The following IPO11 variants were observed in gnomAD, a reference collection of about 807,000 sequenced individuals.
IPO11 encodes importin-11.
Under a neutral mutation model 143.2 loss-of-function variants are expected in IPO11, and 66 were observed. The observed-to-expected ratio is 0.46, with a 90% confidence interval of 0.38 to 0.57. IPO11 has a LOEUF of 0.57. IPO11 is among the 20% of genes least tolerant of loss of function. IPO11 has a pLI of 0.00. For missense variants in IPO11, 1,026 were observed against 1,141.0 expected (o/e 0.90, Z 1.45); for synonymous variants, 385 against 377.8 (o/e 1.02, Z -0.22).
At chr5:62,563,254 A>G (rs947233014) in intron 27 of IPO11, among the ~76,000 whole-genome samples, 2 of 152,200 alleles carry the variant, frequency 1.3e-5, no homozygotes, top group Non-Finnish European at 2.9e-5. Context: ...GTTAAAGAAC[A>G]TGGTCCTTGG....
At chr5:62,471,294 G>T (rs1241999011) in intron 7 of IPO11, among the ~76,000 whole-genome samples, 1 of 150,830 alleles carries the variant, frequency 6.6e-6, no homozygotes, top group African/African-American at 2.4e-5. Context: ...TGGGTCTTTG[G>T]GTCTCCCCTA....
intron 1 of IPO11, among the ~76,000 whole-genome samples, chr5:62,419,851 TGGCATGATG>T (rs1296364486): frequency 1.3e-5 from 2 of 152,016 alleles, no homozygotes; most frequent in Non-Finnish European, 2.9e-5. Flanking sequence ...AAAATTAGCA[TGGCATGATG>T]GCTCATCCCT....
chr5:62,625,464 C>A (rs1005271621), intron 29 of IPO11, among the ~76,000 whole-genome samples: 2 of 152,216 alleles, frequency 1.3e-5, no homozygotes, highest in African/African-American at 4.8e-5. Context: ...ATTAACACTT[C>A]ATTTATCTGG....
intron 27 of IPO11, among the ~76,000 whole-genome samples, chr5:62,570,843 A>G (rs1253486403): frequency 6.6e-6 from 1 of 152,248 alleles, no homozygotes; most frequent in Non-Finnish European, 1.5e-5. Context: ...TCTTTTAAAC[A>G]TATCACCTAA....
At chr5:62,453,755 A>G (rs1459782229) in intron 5 of IPO11, among the ~76,000 whole-genome samples, 2 of 152,186 alleles carry the variant, frequency 1.3e-5, no homozygotes, top group East Asian at 3.9e-4. Flanking sequence ...TGCATTTTTA[A>G]CAAGCTCCCC....
chr5:62,582,683 A>G (rs1744613676), intron 27 of IPO11, among the ~76,000 whole-genome samples: 1 of 152,214 alleles, frequency 6.6e-6, no homozygotes, highest in East Asian at 1.9e-4. Flanking sequence ...GTAGAAGTTG[A>G]GAGAGTCCCT....
At chr5:62,483,846 G>T (rs1230732431) in intron 10 of IPO11, among the ~76,000 whole-genome samples, 164 bp from the exon 11 acceptor site, 2 of 152,150 alleles carry the variant, frequency 1.3e-5, no homozygotes, top group African/African-American at 4.8e-5. Context: ...TGAGTGTGTT[G>T]TAAGGAAAGA....
At chr5:62,465,564 A>G (rs1745544799) in intron 5 of IPO11, among the ~76,000 whole-genome samples, 1 of 152,250 alleles carries the variant, frequency 6.6e-6, no homozygotes, top group Non-Finnish European at 1.5e-5. Context: ...TTGTAACACT[A>G]TGAATTGAGA....
At chr5:62,580,436 CAT>C (rs1292781169) in intron 27 of IPO11, 31 of 1,551,228 alleles carry the variant, frequency 2.0e-5, no homozygotes, top group Non-Finnish European at 2.4e-5. Flanking sequence ...CTTAATCTGT[CAT>C]TTAATAATCT....
At chr5:62,603,785 A>G (rs1010397444) in intron 29 of IPO11, among the ~76,000 whole-genome samples, 21 of 152,246 alleles carry the variant, frequency 1.4e-4, no homozygotes, top group African/African-American at 4.6e-4. Flanking sequence ...CAAAGTTACA[A>G]TGAAATGATG....
intron 16 of IPO11, among the ~76,000 whole-genome samples, chr5:62,499,879 T>A (rs770245454): frequency 6.6e-6 from 1 of 152,222 alleles, no homozygotes; most frequent in Non-Finnish European, 1.5e-5. Context: ...AGCCTAGGCC[T>A]ACGCAGGGTT....
intron 8 of IPO11, among the ~76,000 whole-genome samples, chr5:62,475,287 G>A (rs1026446677): frequency 6.6e-6 from 1 of 152,168 alleles, no homozygotes; most frequent in Admixed American, 6.5e-5. Flanking sequence ...TTGGGAGGCC[G>A]AGGCGAGTGA....
At chr5:62,598,391 G>GCTTGCTTTCTTTCTTTCTTTCTTTCTTT (rs1745312271) in intron 28 of IPO11, among the ~76,000 whole-genome samples, 1 of 36,504 alleles carries the variant, frequency 2.7e-5, no homozygotes, top group Non-Finnish European at 4.4e-5. Flanking sequence ...TTGCTTGCTT[G>GCTTGCTTTCTTTCTTTCTTTCTTTCTTT]CTTTCTTTCT....
At chr5:62,570,270 T>C (rs1294529691) in intron 27 of IPO11, among the ~76,000 whole-genome samples, 1 of 152,192 alleles carries the variant, frequency 6.6e-6, no homozygotes, top group African/African-American at 2.4e-5. Context: ...TTTTTAAGCT[T>C]CTGAAAGTTC....
rs749231910 is a variant in IPO11 at position 62,561,195 on chromosome 5, C to T, written c.2520C>T (p.Thr840=). Residue 840 remains threonine, a synonymous_variant, in exon 27 of 30, where the codon ACC becomes ACT. Coordinates refer to ENST00000325324, the MANE Select transcript of IPO11 (RefSeq NM_016338.5). ...EMWVDRMDNI[T]QPERRKLSAL... ...GGGTTGATCGAATGGACAACATTAC[C>T]CAGCCTGAAAGAAGAAAACTTTCAG... 1 of 1,611,108 alleles carries T rather than the reference C, an allele frequency of 6.2e-7. No individual in the cohort carries two copies. The highest frequency in any genetic ancestry group is 8.5e-7 in the Non-Finnish European group (1 of 1,178,520).
intron 5 of IPO11, among the ~76,000 whole-genome samples, chr5:62,456,068 G>T (rs1745140524): frequency 6.6e-6 from 1 of 151,558 alleles, no homozygotes; most frequent in South Asian, 2.1e-4. Context: ...TCGCTTTGTT[G>T]CCCAGACTGG....
Position 62,594,088 on chromosome 5 carries a change from C to G in IPO11, c.2678+2416C>G, listed in dbSNP as rs144006125. On this transcript the variant is annotated intron_variant, in intron 28 of 29. Coordinates refer to ENST00000325324, the MANE Select transcript of IPO11 (RefSeq NM_016338.5). The stretch of plus-strand genomic sequence containing the variant: ...TTGAATTCTTATTATAGTCTCTTAA[C>G]TGAGTGAATTGGAAAAAAGGAAGAA... Among the ~76,000 whole-genome samples the G allele has an allele frequency of 1.6e-4, 25 of 152,276 alleles. No individual in the cohort carries two copies. In the East Asian group the frequency reaches 4.4e-3, roughly 27 times the overall value.
At chr5:62,419,082 A>G in intron 1 of IPO11, 1 of 1,551,090 alleles carries the variant, frequency 6.4e-7, no homozygotes, top group Non-Finnish European at 8.7e-7. Context: ...ATAAGCCTGT[A>G]CAGCATGTTA....
At chr5:62,461,097 T>C (rs1745343583) in intron 5 of IPO11, among the ~76,000 whole-genome samples, 1 of 152,186 alleles carries the variant, frequency 6.6e-6, no homozygotes, top group Non-Finnish European at 1.5e-5. Context: ...TTGTAAAGGA[T>C]GATAAGACAG....
Sources: allele counts gnomAD v4.1 joint callset (sites outside exome capture counted in the v4.1 genomes callset), GRCh38; gene constraint gnomAD v4.1.1; transcripts MANE v1.5; gene names NCBI Gene and HGNC (gene_info 2026-07-23, HGNC 2026-07-21).